SNAI1: variants seen among roughly 807,000 people sequenced by gnomAD.
The protein encoded by SNAI1 is snail family transcriptional repressor 1.
SNAI1 carries 15 observed loss-of-function variants against 24.7 expected under a neutral mutation model. That is an observed-to-expected ratio of 0.61 (90% CI 0.41 to 0.93). The LOEUF is 0.93. SNAI1 is among the 40% of genes least tolerant of loss of function. SNAI1 has a pLI of 0.00. For missense variants in SNAI1, 283 were observed against 336.7 expected (o/e 0.84, Z 1.25); for synonymous variants, 163 against 142.9 (o/e 1.14, Z -1.00).
chr20:49,985,580 G>C (rs1043245066), intron 2 of SNAI1, among the ~76,000 whole-genome samples: 1 of 152,148 alleles, frequency 6.6e-6, no homozygotes, highest in African/African-American at 2.4e-5. Flanking sequence ...CCTCCCATCT[G>C]GACATTATTT....
Position 49,988,016 on chromosome 20 carries a change from A to G in SNAI1, c.755A>G (p.His252Arg), listed in dbSNP as rs1191549421. ...ARTFSRMSLL[H>R]KHQESGCSGC... Reference sequence around the variant, plus strand: ...ACCTTCTCCCGAATGTCCCTGCTCCACAAGCACCAAGAGTCCGGCTGCTCA... The same window carrying G: ...ACCTTCTCCCGAATGTCCCTGCTCCGCAAGCACCAAGAGTCCGGCTGCTCA... Residue 252 changes from histidine (H) to arginine (R), a missense_variant, in exon 3 of 3, where the codon CAC becomes CGC. Physicochemically the swap from His to Arg is conservative, Grantham distance 29 (BLOSUM62 0). Transcript: ENST00000244050. 5 of 1,612,182 alleles carry G rather than the reference A, an allele frequency of 3.1e-6. No homozygotes were observed. Among genetic ancestry groups the G allele is most frequent in the Non-Finnish European group, 4.2e-6 (5 of 1,178,920 alleles).
In SNAI1 at chr20:49,984,137, G is replaced by A. The variant is rs569059378; in HGVS notation, c.396G>A (p.Leu132=). 1.9e-6 allele frequency: 3 copies of A among 1,614,192 alleles called. No homozygotes were observed. The highest frequency in any genetic ancestry group is 2.5e-6 in the Non-Finnish European group (3 of 1,180,040). Residue 132 remains leucine (L), a synonymous_variant, in exon 2 of 3, where the codon TTG becomes TTA. Coordinates refer to ENST00000244050, the MANE Select transcript of SNAI1 (RefSeq NM_005985.4). ...EAEAYAAFPG[L]GQVPKQLAQL... ...AGGCCTATGCTGCCTTCCCAGGCTT[G>A]GGCCAAGTGCCCAAGCAGCTGGCCC...
In SNAI1 at chr20:49,984,200, C is replaced by T. The variant is rs755175097; in HGVS notation, c.459C>T (p.Ala153=). Residue 153 remains alanine, a synonymous_variant, in exon 2 of 3, where the codon GCC becomes GCT. Transcript: ENST00000244050. The part of the protein sequence containing the change: ...SEAKDLQARK[A]FNCKYCNKEY... ...CCAAGGATCTCCAGGCTCGAAAGGC[C>T]TTCAACTGCAAATACTGCAACAAGG... 1 of 1,614,252 alleles carries T rather than the reference C, an allele frequency of 6.2e-7. No homozygotes were observed. Among genetic ancestry groups the T allele is most frequent in the South Asian group, 1.1e-5 (1 of 91,088 alleles).
rs185201272 is a variant in SNAI1 at position 49,988,769 on chromosome 20, A to G, written c.*713A>G. On this transcript the variant is annotated 3_prime_UTR_variant, in exon 3 of 3. Transcript: ENST00000244050. ...GTGGGCCTGGGAGGAAGATGTTTAC[A>G]TTTTTAAAGGTACACTGGTATTTAT... The G allele has an allele frequency of 6.5e-6, 1 of 152,718 alleles. No homozygotes were observed. The highest frequency in any genetic ancestry group is 2.4e-5 in the African/African-American group (1 of 41,548). The allele number at this position is 152,718 out of a possible 1,614,324, so 9.5% of individuals were successfully genotyped here.
chr20:49,984,077 C>T lies in SNAI1; in HGVS notation c.336C>T (p.Ser112=). The change falls in exon 2 of 3, where the codon TCC becomes TCT. Residue 112 remains serine (S), a synonymous_variant. Transcript: ENST00000244050. ...GCCCACCCTCACCGGCTCCTTCGTC[C>T]TTCTCCTCTACTTCAGTCTCTTCCT... ...PPSPPSPAPS[S]FSSTSVSSLE... is the part of the protein sequence containing the mutation. 1.2e-6 allele frequency: 2 copies of T among 1,614,198 alleles called. No homozygotes were observed. The highest frequency in any genetic ancestry group is 1.1e-5 in the South Asian group (1 of 91,082).
At position 49,988,044 on chromosome 20, in the gene SNAI1, A is replaced by G. The variant is rs780704231; in HGVS notation, c.783A>G (p.Gly261=). ...LHKHQESGCS[G]CPR is the part of the protein sequence containing the mutation. ...AGCACCAAGAGTCCGGCTGCTCAGG[A>G]TGTCCCCGCTGACCCTCGAGGCTCC... Residue 261 remains glycine, a synonymous_variant, in exon 3 of 3, where the codon GGA becomes GGG. Coordinates refer to ENST00000244050, the MANE Select transcript of SNAI1 (RefSeq NM_005985.4). The G allele has an allele frequency of 3.1e-6, 5 of 1,600,782 alleles. 1 individual carries two copies. The South Asian group carries it at 4.5e-5, about 14-fold the overall frequency.
In SNAI1 at chr20:49,983,888, C is replaced by A. The variant is rs772242378; in HGVS notation, c.147C>A (p.Ile49=). 6.2e-7 allele frequency: 1 copy of A among 1,612,912 alleles called. No homozygotes were observed. The highest frequency in any genetic ancestry group is 2.2e-5 in the East Asian group (1 of 44,878). ...HLLAAIPPPE[I]LNPTASLPML... ...TGGCAGCCATCCCACCTCCGGAGATCCTCAACCCCACCGCCTCGCTGCCAA... is the reference window on the plus strand; with the variant it reads ...TGGCAGCCATCCCACCTCCGGAGATACTCAACCCCACCGCCTCGCTGCCAA... Residue 49 remains isoleucine, a synonymous_variant, in exon 2 of 3, where the codon ATC becomes ATA. Transcript: ENST00000244050.
chr20:49,983,205 G>C (rs1568930440), intron 1 of SNAI1, 64 bp downstream of exon 1: 1 of 1,253,980 alleles, frequency 8.0e-7, no homozygotes, highest in Non-Finnish European at 1.2e-6. Flanking sequence ...TGCGTGGGGG[G>C]CACCTGAGGG....
intron 2 of SNAI1, among the ~76,000 whole-genome samples, chr20:49,987,600 A>G (rs1405234112): frequency 6.6e-6 from 1 of 152,170 alleles, no homozygotes; most frequent in Non-Finnish European, 1.5e-5. Context: ...GTCACTTATC[A>G]ACCCCTATGA....
At chr20:49,984,886 C>T (rs192690294) in intron 2 of SNAI1, among the ~76,000 whole-genome samples, 29 of 152,318 alleles carry the variant, frequency 1.9e-4, no homozygotes, top group South Asian at 8.3e-4. Context: ...GGCAAAGTGC[C>T]GGTACCTGCT....
In SNAI1 at chr20:49,988,147, C is replaced by A; in HGVS notation, c.*91C>A. 1 of 1,160,614 alleles carries A rather than the reference C, an allele frequency of 8.6e-7. No individual in the cohort carries two copies. Among genetic ancestry groups the A allele is most frequent in the Non-Finnish European group, 1.2e-6 (1 of 823,650 alleles). The allele number at this position is 1,160,614 out of a possible 1,614,324, so 71.9% of individuals were successfully genotyped here. A position where few individuals can be genotyped will look rare whatever the true frequency, so the allele number is the denominator to read the frequency against. ...GAAGGACCCCACATCCTTCTCACTG[C>A]CATGGAATTCCCTCCTGAGTGCCCC... On this transcript the variant is annotated 3_prime_UTR_variant, in exon 3 of 3. Transcript: ENST00000244050.
At chr20:49,985,229 T>C (rs2078330262) in intron 2 of SNAI1, among the ~76,000 whole-genome samples, 1 of 152,172 alleles carries the variant, frequency 6.6e-6, no homozygotes, top group Non-Finnish European at 1.5e-5. Flanking sequence ...ACTTGAATGG[T>C]GGCAGCCACT....
chr20:49,982,994 C>G lies in SNAI1; in HGVS notation c.-66C>G, dbSNP rs2078321070. 8.5e-6 allele frequency: 10 copies of G among 1,171,010 alleles called. No homozygotes were observed. The highest frequency in any genetic ancestry group is 1.2e-5 in the Non-Finnish European group (10 of 800,788). The allele number at this position is 1,171,010 out of a possible 1,614,324, so 72.5% of individuals were successfully genotyped here. Reference sequence around the variant, plus strand: ...CTGCTGCATTCATTGCGCCGCGGCACGGCCTAGCGAGTGGTTCTTCTGCGC... The same window carrying G: ...CTGCTGCATTCATTGCGCCGCGGCAGGGCCTAGCGAGTGGTTCTTCTGCGC... On this transcript the variant is annotated 5_prime_UTR_variant, in exon 1 of 3. Transcript: ENST00000244050.
chr20:49,984,821 C>G (rs768115161), intron 2 of SNAI1, among the ~76,000 whole-genome samples: 5 of 152,236 alleles, frequency 3.3e-5, no homozygotes, highest in Admixed American at 2.0e-4. Flanking sequence ...GGCATGAGAA[C>G]AGCTTTTGGG....
Position 49,983,050 on chromosome 20 carries a change from C to G in SNAI1, c.-10C>G. 6.2e-7 allele frequency: 1 copy of G among 1,612,392 alleles called. No individual in the cohort carries two copies. The highest frequency in any genetic ancestry group is 8.5e-7 in the Non-Finnish European group (1 of 1,179,124). ...CTGCGCGAATCGGCGACCCCAGTGC[C>G]TCGACCACTATGCCGCGCTCTTTCC... On this transcript the variant is annotated 5_prime_UTR_variant, in exon 1 of 3. Transcript: ENST00000244050.
chr20:49,985,601 G>C (rs992183954), intron 2 of SNAI1, among the ~76,000 whole-genome samples: 34 of 152,220 alleles, frequency 2.2e-4, no homozygotes, highest in African/African-American at 4.8e-4. Context: ...TAATGTAAAG[G>C]CATGGCTGAG....
At chr20:49,984,382 G>A in intron 2 of SNAI1, 31 bp downstream of exon 2, 2 of 1,538,072 alleles carry the variant, frequency 1.3e-6, no homozygotes, top group Non-Finnish European at 1.8e-6. Context: ...CCCCACCGTT[G>A]CTCTCTCTGG....
At chr20:49,983,517 G>A (rs910668303) in intron 1 of SNAI1, among the ~76,000 whole-genome samples, 2 of 151,656 alleles carry the variant, frequency 1.3e-5, no homozygotes, top group Admixed American at 6.6e-5. Context: ...TGTGAGGAGG[G>A]GGATTGGGGC....
intron 1 of SNAI1, 117 bp from the exon 2 acceptor site, chr20:49,983,707 T>G: frequency 9.7e-7 from 1 of 1,034,644 alleles, no homozygotes; most frequent in Middle Eastern, 2.5e-4. Context: ...GATAATTTTT[T>G]TGATCTAATT....
Sources: gnomAD v4.1 joint callset for allele counts (sites outside exome capture counted in the v4.1 genomes callset) on GRCh38, gnomAD v4.1.1 for gene constraint, MANE v1.5 for transcripts, NCBI Gene and HGNC (gene_info 2026-07-23, HGNC 2026-07-21) for gene names.